Variants in HMCN2 observed in about 807,000 individuals in gnomAD.
HMCN2 encodes hemicentin-2.
HMCN2 carries 325 observed loss-of-function variants against 377.5 expected under a neutral mutation model. That is an observed-to-expected ratio of 0.86 (90% CI 0.79 to 0.94). HMCN2 has a LOEUF of 0.94. Among genes scored for constraint, HMCN2 ranks in the 40% least tolerant of loss-of-function variants. HMCN2 has a pLI of 0.00. For synonymous variants in HMCN2, 2,007 were observed against 2,046.8 expected (o/e 0.98, Z 0.53); for missense variants, 4,543 against 4,725.3 (o/e 0.96, Z 1.13).
intron 34 of HMCN2, among the ~76,000 whole-genome samples, 190 bp downstream of exon 34, chr9:130,356,447 C>T (rs138589759): frequency 6.6e-5 from 10 of 152,184 alleles, no homozygotes; most frequent in African/African-American, 2.2e-4. Context: ...TCACACTTAT[C>T]CTCAGTCCTG....
Position 130,391,341 on chromosome 9 carries a change from C to G in HMCN2, c.9805C>G (p.Gln3269Glu). 1 of 987,678 alleles carries G rather than the reference C, an allele frequency of 1.0e-6. No homozygotes were observed. Among genetic ancestry groups the G allele is most frequent in the East Asian group, 1.1e-4 (1 of 8,812 alleles). The allele number at this position is 987,678 out of a possible 1,614,324, so 61.2% of individuals were successfully genotyped here. Reference sequence around the variant, plus strand: ...GCTGAAGGACGGCAGCCCGCTGGGCCAGGACATGGGCCCCCACCTCCGGTA... The same window carrying G: ...GCTGAAGGACGGCAGCCCGCTGGGCGAGGACATGGGCCCCCACCTCCGGTA... ...AWLKDGSPLG[Q>E]DMGPHLRFYL... Residue 3269 changes from glutamine (Q) to glutamate (E), a missense_variant, in exon 64 of 98, where the codon CAG (glutamine) becomes GAG (glutamate). Gln to Glu is a conservative substitution (Grantham distance 29). Transcript: ENST00000683500.
intron 1 of HMCN2, among the ~76,000 whole-genome samples, chr9:130,272,744 G>C (rs1034840510): frequency 2.6e-5 from 4 of 152,128 alleles, no homozygotes; most frequent in African/African-American, 9.7e-5. Context: ...ATTTGGTAGA[G>C]ACAGGGTCTT....
chr9:130,347,984 C>G lies in HMCN2; in HGVS notation c.4025-561C>G. 1 of 985,364 alleles carries G rather than the reference C, an allele frequency of 1.0e-6. No individual in the cohort carries two copies. Among genetic ancestry groups the G allele is most frequent in the Non-Finnish European group, 1.2e-6 (1 of 829,884 alleles). The allele number at this position is 985,364 out of a possible 1,614,324, so 61.0% of individuals were successfully genotyped here. ...TGTCCTCAGCAGGGAGAGCGCCCAC[C>G]CCCACATCCAGGGTGCTATGTGCAG... On this transcript the variant is annotated intron_variant, in intron 26 of 97. Coordinates refer to ENST00000683500, the MANE Select transcript of HMCN2 (RefSeq NM_001291815.2). This position sits in a 1 kb window ranked among gnomAD's most constrained non-coding sequence, Gnocchi z 5.1.
intron 1 of HMCN2, among the ~76,000 whole-genome samples, chr9:130,267,075 A>G (rs538709084): frequency 6.6e-6 from 1 of 151,902 alleles, no homozygotes; most frequent in Non-Finnish European, 1.5e-5. Flanking sequence ...CCTCCCAAGT[A>G]GCTGGGACTA....
intron 1 of HMCN2, among the ~76,000 whole-genome samples, chr9:130,279,120 C>T (rs1461134408): frequency 6.7e-6 from 1 of 148,412 alleles, no homozygotes; most frequent in African/African-American, 2.5e-5. Context: ...CTGATGGTCT[C>T]GAACTCCTGA....
intron 22 of HMCN2, among the ~76,000 whole-genome samples, chr9:130,328,112 G>T (rs1447386470): frequency 1.3e-5 from 2 of 152,198 alleles, no homozygotes; most frequent in African/African-American, 2.4e-5. Flanking sequence ...GACTCAGAAG[G>T]TCTCGGAGCA....
intron 4 of HMCN2, among the ~76,000 whole-genome samples, chr9:130,289,469 G>A (rs1473031978): frequency 2.0e-5 from 3 of 152,070 alleles, no homozygotes; most frequent in Non-Finnish European, 4.4e-5. Context: ...TTTGGACTCC[G>A]GGGCAAGAGG....
chr9:130,420,531 T>G (rs1412914048), intron 86 of HMCN2, among the ~76,000 whole-genome samples: 1 of 152,120 alleles, frequency 6.6e-6, no homozygotes, highest in Non-Finnish European at 1.5e-5. Flanking sequence ...GCCACACTGA[T>G]TGTCTCATAG....
intron 82 of HMCN2, 129 bp downstream of exon 82, chr9:130,406,297 C>T: frequency 2.6e-6 from 2 of 780,114 alleles, no homozygotes; most frequent in Non-Finnish European, 1.9e-6. Flanking sequence ...GGTTCTGGGT[C>T]TTCCAACGTG....
At position 130,433,919 on chromosome 9, in the gene HMCN2, C is replaced by G. The variant is rs1844930129; in HGVS notation, c.*226C>G. 1.3e-5 allele frequency: 6 copies of G among 460,688 alleles called. No individual in the cohort carries two copies. In the South Asian group the frequency reaches 2.2e-4, roughly 17 times the overall value. The allele number at this position is 460,688 out of a possible 1,614,324, so 28.5% of individuals were successfully genotyped here. On this transcript the variant is annotated 3_prime_UTR_variant, in exon 98 of 98. Transcript: ENST00000683500. ...CAGGGCGGCCCTTGGGTGGCCAGTC[C>G]CGCAGGCAGGGCCCGGGGAAGCCCG...
Position 130,425,792 on chromosome 9 carries a change from A to G in HMCN2, c.13747A>G (p.Ser4583Gly). ...GLPSFLRCNH[S>G]IQYNAARGPQ... ...CCCCTCGTTCCTACGCTGCAACCACAGCATCCAGTACAACGCGGCCCGGGG... is the reference window on the plus strand; with the variant it reads ...CCCCTCGTTCCTACGCTGCAACCACGGCATCCAGTACAACGCGGCCCGGGG... The change falls in exon 90 of 98, where the codon AGC (serine) becomes GGC (glycine). Residue 4583 changes from serine to glycine, a missense_variant. Around this residue, in one of 5 missense-constraint regions of HMCN2, gnomAD observed 1,155 missense variants for 1,157.7 expected, o/e 1.00. Transcript: ENST00000683500. 6.4e-7 allele frequency: 1 copy of G among 1,550,464 alleles called. No individual in the cohort carries two copies. The highest frequency in any genetic ancestry group is 2.4e-5 in the East Asian group (1 of 40,870).
intron 76 of HMCN2, among the ~76,000 whole-genome samples, chr9:130,400,017 GC>G (rs1347734795): frequency 6.6e-6 from 1 of 152,228 alleles, no homozygotes; most frequent in Non-Finnish European, 1.5e-5. Flanking sequence ...CGCCAGACCT[GC>G]CTCATTCCAG....
At chr9:130,352,834 C>T (rs2131530099) in intron 30 of HMCN2, 93 bp from the exon 31 acceptor site, 1 of 1,060,524 alleles carries the variant, frequency 9.4e-7, no homozygotes, top group Non-Finnish European at 1.2e-6. Flanking sequence ...TGTGGTGTGT[C>T]TTGTGGCCCA....
In HMCN2 at chr9:130,425,681, C is replaced by T; in HGVS notation, c.13642-6C>T. 6.5e-7 allele frequency: 1 copy of T among 1,540,442 alleles called. No individual in the cohort carries two copies. The highest frequency in any genetic ancestry group is 8.8e-7 in the Non-Finnish European group (1 of 1,138,378). On this transcript the variant is annotated splice_region_variant and splice_polypyrimidine_tract_variant and intron_variant, in intron 89 of 97. Coordinates refer to ENST00000683500, the MANE Select transcript of HMCN2 (RefSeq NM_001291815.2). ...TCCTCCTCCTCCCCTCCTCTTCATC[C>T]TGCAGGACTTTGAGGAGCACTACGT... is the stretch of plus-strand genomic sequence containing the variant.
At chr9:130,293,901 G>T (rs572677948) in intron 4 of HMCN2, among the ~76,000 whole-genome samples, 6 of 152,296 alleles carry the variant, frequency 3.9e-5, no homozygotes, top group African/African-American at 1.4e-4. Flanking sequence ...TCTTCAAGCA[G>T]CGAGCTGAAG....
At chr9:130,371,274 T>A (rs1841004364) in intron 46 of HMCN2, 143 bp downstream of exon 46, 1 of 337,242 alleles carries the variant, frequency 3.0e-6, no homozygotes, top group Admixed American at 6.5e-5. Flanking sequence ...CCCCAAAGAA[T>A]GCAGCCCAAA....
intron 15 of HMCN2, among the ~76,000 whole-genome samples, chr9:130,319,290 C>T (rs1053703319): frequency 1.3e-5 from 2 of 152,174 alleles, no homozygotes; most frequent in Non-Finnish European, 2.9e-5. Context: ...CACCATCCCA[C>T]GAGTCACTCC....
rs565132901 is a variant in HMCN2, at chr9:130,388,139, C to T, written c.9392-270C>T. Among the ~76,000 whole-genome samples, 210 of 152,154 alleles carry T rather than the reference C, an allele frequency of 1.4e-3. 1 individual carries two copies. The highest frequency in any genetic ancestry group is 0.014 in the Middle Eastern group (4 of 294). The stretch of plus-strand genomic sequence containing the variant: ...GCGGAGCAGGAGAGAGTGTTGGGAT[C>T]GATTAGTGATGTCTGCCCTGGCACA... On this transcript the variant is annotated intron_variant, in intron 61 of 97. Transcript: ENST00000683500.
rs1842419598 is a variant in HMCN2 at position 130,393,063 on chromosome 9, C to T, written c.10137-149C>T. On this transcript the variant is annotated intron_variant, in intron 66 of 97. Coordinates refer to ENST00000683500, the MANE Select transcript of HMCN2 (RefSeq NM_001291815.2). The surrounding 1 kb of genome is among the most constrained non-coding windows in gnomAD (Gnocchi z 5.2). ...AGGCTGGGCTCAGTCACCCCGCCCC[C>T]TCTGGCCAGCAAGCTCTTGGGAGAC... 1 of 301,776 alleles carries T rather than the reference C, an allele frequency of 3.3e-6. No individual in the cohort carries two copies. The highest frequency in any genetic ancestry group is 6.5e-5 in the Admixed American group (1 of 15,448). 18.7% of individuals were successfully genotyped at this position (301,776 alleles called of 1,614,324 possible).
Sources: gnomAD v4.1 joint callset for allele counts (sites outside exome capture counted in the v4.1 genomes callset) on GRCh38, gnomAD v4.1.1 for gene constraint, gnomAD v4.1.1 regional missense constraint, Gnocchi (gnomAD v3.1) non-coding constraint, MANE v1.5 for transcripts, NCBI Gene and HGNC (gene_info 2026-07-23, HGNC 2026-07-21) for gene names.